TRAPPC9: variants seen among roughly 807,000 people sequenced by gnomAD.
The protein encoded by TRAPPC9 is IKK2 binding protein.
In TRAPPC9, 83 loss-of-function variants were observed where a neutral mutation model predicts 124.0. The observed-to-expected ratio is 0.67, with a 90% CI of 0.56 to 0.80. The LOEUF is 0.80. Among genes scored for constraint, TRAPPC9 ranks in the 30% least tolerant of loss-of-function variants. The pLI is 0.00. For missense variants in TRAPPC9, 1,302 were observed against 1,508.3 expected, an observed-to-expected ratio of 0.86 and a Z score of 2.27; for synonymous variants, 638 against 617.5, an observed-to-expected ratio of 1.03 and a Z score of -0.49.
chr8:140,143,599 G>A (rs772420153), intron 17 of TRAPPC9, among the ~76,000 whole-genome samples: 32 of 152,156 alleles, frequency 2.1e-4, no homozygotes, highest in Non-Finnish European at 4.0e-4. Flanking sequence ...TATCTGCCAA[G>A]CTTAAGAAAC....
intron 21 of TRAPPC9, among the ~76,000 whole-genome samples, chr8:139,766,943 C>T (rs1051885650): frequency 2.0e-5 from 3 of 152,254 alleles, no homozygotes; most frequent in South Asian, 4.1e-4. Flanking sequence ...TGCGTCCTCA[C>T]CTGCATGTCT....
chr8:140,443,084 G>C (rs1026139795), intron 2 of TRAPPC9, among the ~76,000 whole-genome samples: 16 of 134,468 alleles, frequency 1.2e-4, no homozygotes, highest in African/African-American at 4.7e-4. Context: ...AGTGAGCTGA[G>C]ATGGCACCAC....
chr8:140,190,234 T>A lies in TRAPPC9; in HGVS notation c.2556+31225A>T, dbSNP rs538050375. On this transcript the variant is annotated intron_variant, in intron 17 of 22. Transcript: ENST00000438773. ...ACTTTGGGAGGCTGAGGCTGGAGGA[T>A]CACTTGAGGTCAGGAGTTCGAGGCC... 6.6e-5 allele frequency among the ~76,000 whole-genome samples: 10 copies of A among 151,968 alleles called. No homozygotes were observed. The South Asian group carries it at 2.1e-3, about 32-fold the overall frequency.
intron 19 of TRAPPC9, among the ~76,000 whole-genome samples, chr8:139,961,535 C>G (rs907318014): frequency 8.0e-6 from 1 of 124,518 alleles, no homozygotes; most frequent in East Asian, 2.2e-4. Flanking sequence ...CCTCCCTGTG[C>G]TCTCAGGGGA....
At chr8:140,135,461 G>A (rs1379135136) in intron 17 of TRAPPC9, among the ~76,000 whole-genome samples, 2 of 152,196 alleles carry the variant, frequency 1.3e-5, no homozygotes, top group African/African-American at 4.8e-5. Context: ...GCCATAAAGG[G>A]AAGGAAATTT....
intron 18 of TRAPPC9, among the ~76,000 whole-genome samples, chr8:140,005,555 A>G (rs1187542508): frequency 6.6e-6 from 1 of 152,118 alleles, no homozygotes; most frequent in East Asian, 1.9e-4. Flanking sequence ...CAGTGTTTGC[A>G]AAGGTCTCAA....
chr8:140,437,176 G>A (rs1457657329), intron 3 of TRAPPC9, among the ~76,000 whole-genome samples: 1 of 151,810 alleles, frequency 6.6e-6, no homozygotes, highest in Non-Finnish European at 1.5e-5. Flanking sequence ...GTAGAAGTGA[G>A]GTCTCCCTAT....
At chr8:140,023,291 A>G (rs1426401336) in intron 18 of TRAPPC9, among the ~76,000 whole-genome samples, 1 of 152,212 alleles carries the variant, frequency 6.6e-6, no homozygotes, top group Non-Finnish European at 1.5e-5. Context: ...ACCAGAGGGG[A>G]AAGTTCTGGA....
chr8:140,242,271 G>T (rs1265205938), intron 16 of TRAPPC9, among the ~76,000 whole-genome samples: 1 of 152,114 alleles, frequency 6.6e-6, no homozygotes, highest in African/African-American at 2.4e-5. Context: ...AGAGGGCCAG[G>T]CTAGTGACAG....
intron 11 of TRAPPC9, 98 bp downstream of exon 11, chr8:140,300,371 A>G (rs2065939431): frequency 6.7e-7 from 1 of 1,483,696 alleles, no homozygotes; most frequent in East Asian, 2.3e-5. Context: ...ACACATGCAC[A>G]TGCATGAACT....
At chr8:139,952,788 A>C (rs1043850175) in intron 19 of TRAPPC9, among the ~76,000 whole-genome samples, 3 of 152,220 alleles carry the variant, frequency 2.0e-5, no homozygotes, top group African/African-American at 4.8e-5. Flanking sequence ...TTCTCTACTG[A>C]GCACTTCCTC....
At chr8:140,226,325 C>T (rs571973330) in intron 16 of TRAPPC9, among the ~76,000 whole-genome samples, 12 of 152,238 alleles carry the variant, frequency 7.9e-5, no homozygotes, top group African/African-American at 2.6e-4. Context: ...AGCGTGGTGG[C>T]TCACACCTGT....
chr8:140,051,648 A>G (rs953543034), intron 17 of TRAPPC9, among the ~76,000 whole-genome samples: 7 of 145,060 alleles, frequency 4.8e-5, no homozygotes. Context: ...CATTCTTAGG[A>G]AATGGAAAAA....
At chr8:140,397,086 A>G (rs1334437132) in intron 7 of TRAPPC9, among the ~76,000 whole-genome samples, 1 of 152,238 alleles carries the variant, frequency 6.6e-6, no homozygotes, top group Non-Finnish European at 1.5e-5. Context: ...TAAACTAACT[A>G]AATATCTAAA....
At chr8:140,300,404 A>T (rs1563928104) in intron 11 of TRAPPC9, 65 bp downstream of exon 11, 1 of 1,607,328 alleles carries the variant, frequency 6.2e-7, no homozygotes. Context: ...TGTTCTAAAA[A>T]TCTAGAAAAG....
rs117228901 is a variant in TRAPPC9, at chr8:139,887,741, C to T, written c.2965-1772G>A. 2.6e-4 allele frequency among the ~76,000 whole-genome samples: 40 copies of T among 152,344 alleles called. No homozygotes were observed. The East Asian group carries it at 6.9e-3, about 26-fold the overall frequency. On this transcript the variant is annotated intron_variant, in intron 20 of 22. Coordinates refer to ENST00000438773, the MANE Select transcript of TRAPPC9 (RefSeq NM_001160372.4). ...ATCCCATGACAACCTGTGCTAGACACGGTCATCTTCCTGTTACTTGGCTTC... is the reference window on the plus strand; with the variant it reads ...ATCCCATGACAACCTGTGCTAGACATGGTCATCTTCCTGTTACTTGGCTTC...
intron 17 of TRAPPC9, among the ~76,000 whole-genome samples, chr8:140,113,299 A>T (rs930675991): frequency 6.6e-6 from 1 of 152,230 alleles, no homozygotes; most frequent in Non-Finnish European, 1.5e-5. Context: ...GGGAGGCTGA[A>T]GCCCGCTCTC....
chr8:140,089,707 G>A lies in TRAPPC9; in HGVS notation c.2557-65628C>T, dbSNP rs559737930. On this transcript the variant is annotated intron_variant, in intron 17 of 22. Coordinates refer to ENST00000438773, the MANE Select transcript of TRAPPC9 (RefSeq NM_001160372.4). ...TATCACAGATTCCCAGAGCCAAGCA[G>A]AGGGTCTGGCACACAGGAGAGGTCC... Among the ~76,000 whole-genome samples the A allele has an allele frequency of 1.3e-3, 200 of 152,250 alleles. 2 individuals are homozygous for A. Among genetic ancestry groups the A allele is most frequent in the South Asian group, 4.4e-3 (21 of 4,826 alleles).
rs1302562539 is a variant in TRAPPC9 at position 140,428,564 on chromosome 8, A to G, written c.860-1923T>C. 3.9e-5 allele frequency among the ~76,000 whole-genome samples: 6 copies of G among 152,138 alleles called. No individual in the cohort carries two copies. The East Asian group carries it at 1.2e-3, about 29-fold the overall frequency. On this transcript the variant is annotated intron_variant, in intron 4 of 22. Transcript: ENST00000438773. Reference sequence around the variant, plus strand: ...CACCTGAATAACAAAGCCTCACACCATCACCCCTGCCTGTAAAATGAAGAG... The same window carrying G: ...CACCTGAATAACAAAGCCTCACACCGTCACCCCTGCCTGTAAAATGAAGAG...
Sources: allele counts gnomAD v4.1 joint callset (sites outside exome capture counted in the v4.1 genomes callset), GRCh38; gene constraint gnomAD v4.1.1; transcripts MANE v1.5; gene names NCBI Gene and HGNC (gene_info 2026-07-23, HGNC 2026-07-21).